The following ARL15 variants were observed in gnomAD, a reference collection of about 807,000 sequenced individuals.
The protein encoded by ARL15 is ARF like GTPase 15.
ARL15 carries 19 observed loss-of-function variants against 25.2 expected under a neutral mutation model. That is an observed-to-expected ratio of 0.75 (90% CI 0.53 to 1.10). The LOEUF is 1.10. ARL15 is among the 50% of genes least tolerant of loss of function. The pLI, the probability that ARL15 is intolerant of heterozygous loss-of-function variation, is 0.00. For missense variants in ARL15, 220 were observed against 246.0 expected (o/e 0.89, Z 0.71); for synonymous variants, 94 against 86.8 (o/e 1.08, Z -0.46).
At chr5:54,201,500 A>G (rs1365782658) in intron 1 of ARL15, among the ~76,000 whole-genome samples, 2 of 152,026 alleles carry the variant, frequency 1.3e-5, no homozygotes, top group Admixed American at 1.3e-4. Context: ...ATCTAATTTG[A>G]TCATCCTTCT....
chr5:53,993,344 T>C (rs1706827857), intron 4 of ARL15, among the ~76,000 whole-genome samples: 3 of 152,006 alleles, frequency 2.0e-5, no homozygotes, highest in African/African-American at 7.3e-5. Flanking sequence ...GCATGGTAGC[T>C]CGTGCCTGTA....
chr5:53,914,526 C>G (rs555040227), intron 4 of ARL15, among the ~76,000 whole-genome samples: 14 of 152,270 alleles, frequency 9.2e-5, no homozygotes, highest in Non-Finnish European at 1.8e-4. Flanking sequence ...TCCCTCAACC[C>G]AAGTAATACA....
chr5:54,004,740 T>C (rs979262029), intron 4 of ARL15, among the ~76,000 whole-genome samples: 1 of 152,060 alleles, frequency 6.6e-6, no homozygotes, highest in African/African-American at 2.4e-5. Flanking sequence ...GTTACAAATT[T>C]GTAGGGGTAC....
rs146213639 is a variant in ARL15, at chr5:54,011,965, C to T, written c.462+101237G>A. On this transcript the variant is annotated intron_variant, in intron 4 of 4. Transcript: ENST00000504924. ...CCAAGGTTGCAGTGAGCTGAGATCGCGCCACTGCACCCTAGCCTGGCAACA... is the reference window on the plus strand; with the variant it reads ...CCAAGGTTGCAGTGAGCTGAGATCGTGCCACTGCACCCTAGCCTGGCAACA... Among the ~76,000 whole-genome samples, 631 of 151,924 alleles carry T rather than the reference C, an allele frequency of 4.2e-3. 11 individuals are homozygous for T. Among genetic ancestry groups the T allele is most frequent in the East Asian group, 0.035 (178 of 5,146 alleles).
intron 2 of ARL15, among the ~76,000 whole-genome samples, chr5:54,169,971 C>G (rs1249992542): frequency 6.6e-6 from 1 of 152,176 alleles, no homozygotes; most frequent in Non-Finnish European, 1.5e-5. Context: ...AGTTTCTTAT[C>G]TCAATTCTAA....
intron 4 of ARL15, among the ~76,000 whole-genome samples, chr5:53,901,877 GCTCTGAGGA>G (rs1745078326): frequency 6.6e-6 from 1 of 152,124 alleles, no homozygotes; most frequent in Non-Finnish European, 1.5e-5. Flanking sequence ...GGCTAGATGT[GCTCTGAGGA>G]CATTCCAGTG....
chr5:54,080,788 G>A (rs1751772943), intron 4 of ARL15, among the ~76,000 whole-genome samples: 1 of 152,184 alleles, frequency 6.6e-6, no homozygotes, highest in African/African-American at 2.4e-5. Flanking sequence ...CAACAGAGGA[G>A]TGAGGACAAT....
intron 4 of ARL15, among the ~76,000 whole-genome samples, chr5:53,939,561 CCT>C (rs1361546348): frequency 9.9e-5 from 15 of 152,046 alleles, no homozygotes; most frequent in Middle Eastern, 3.4e-3. Context: ...ATGATGAAAC[CCT>C]GTCTCTACTA....
At chr5:54,003,673 T>C (rs1036190124) in intron 4 of ARL15, among the ~76,000 whole-genome samples, 8 of 87,892 alleles carry the variant, frequency 9.1e-5, no homozygotes, top group African/African-American at 1.2e-4. Context: ...TCTATCTATC[T>C]ATCTATCTAT....
At chr5:54,051,765 A>G (rs1183029224) in intron 4 of ARL15, among the ~76,000 whole-genome samples, 4 of 152,202 alleles carry the variant, frequency 2.6e-5, no homozygotes, top group Non-Finnish European at 5.9e-5. Flanking sequence ...TCTTACAAAT[A>G]CGACCCAACA....
intron 4 of ARL15, among the ~76,000 whole-genome samples, chr5:53,989,145 C>A (rs1160281749): frequency 1.3e-5 from 2 of 152,106 alleles, no homozygotes; most frequent in African/African-American, 4.8e-5. Context: ...ACCCACCAGG[C>A]AAAGTACTTA....
intron 3 of ARL15, among the ~76,000 whole-genome samples, chr5:54,139,149 A>C (rs1317429135): frequency 6.6e-6 from 1 of 152,238 alleles, no homozygotes; most frequent in Non-Finnish European, 1.5e-5. Flanking sequence ...TCGATCCAGC[A>C]GTCCCACTAC....
At chr5:54,179,951 G>A (rs1755006109) in intron 1 of ARL15, among the ~76,000 whole-genome samples, 1 of 150,420 alleles carries the variant, frequency 6.6e-6, no homozygotes, top group African/African-American at 2.4e-5. Context: ...CTGGGGGACT[G>A]AGGTTGCAGT....
intron 4 of ARL15, among the ~76,000 whole-genome samples, chr5:54,078,675 T>C (rs1031330527): frequency 6.7e-6 from 1 of 149,548 alleles, no homozygotes; most frequent in Non-Finnish European, 1.5e-5. Flanking sequence ...CTCGCTAAAG[T>C]AACATTGACT....
At chr5:54,197,843 A>T (rs1203239001) in intron 1 of ARL15, among the ~76,000 whole-genome samples, 1 of 152,190 alleles carries the variant, frequency 6.6e-6, no homozygotes, top group Non-Finnish European at 1.5e-5. Flanking sequence ...GACACAACAA[A>T]AAAAGAGAAT....
intron 2 of ARL15, among the ~76,000 whole-genome samples, chr5:54,171,263 C>T (rs1754710301): frequency 6.6e-6 from 1 of 152,150 alleles, no homozygotes; most frequent in South Asian, 2.1e-4. Context: ...GCATAATCTC[C>T]CCTGATTGAG....
At chr5:54,296,188 G>A (rs12516888) in intron 1 of ARL15, among the ~76,000 whole-genome samples, 96,250 of 152,084 alleles carry the variant, frequency 0.63, 32,380 homozygotes, top group Non-Finnish European at 0.76. Flanking sequence ...TTAGGCAGAG[G>A]CAGGGAGATT....
rs561024654 is a variant in ARL15, at chr5:54,203,494, C to T, written c.49-31566G>A. Among the ~76,000 whole-genome samples the T allele has an allele frequency of 2.7e-3, 412 of 152,162 alleles. 3 individuals are homozygous for T. The highest frequency in any genetic ancestry group is 9.5e-3 in the African/African-American group (394 of 41,524). ...ACACTATTTGATGTCTTTTTATAAG[C>T]ACAAATTAAACAAAAATAATAATCT... On this transcript the variant is annotated intron_variant, in intron 1 of 4. Coordinates refer to ENST00000504924, the MANE Select transcript of ARL15 (RefSeq NM_019087.3).
rs1401503081 is a variant in ARL15 at position 54,304,033 on chromosome 5, G to A, written c.48+6399C>T. 3.9e-5 allele frequency among the ~76,000 whole-genome samples: 6 copies of A among 152,328 alleles called. No homozygotes were observed. In the East Asian group the frequency reaches 7.7e-4, roughly 20 times the overall value. Reference sequence around the variant, plus strand: ...TGCCAGAGTCCTTGGGGACAAGGGCGCATCAGCCTGCCTGCTCATGGCCAC... The same window carrying A: ...TGCCAGAGTCCTTGGGGACAAGGGCACATCAGCCTGCCTGCTCATGGCCAC... On this transcript the variant is annotated intron_variant, in intron 1 of 4. Coordinates refer to ENST00000504924, the MANE Select transcript of ARL15 (RefSeq NM_019087.3).
Sources: allele counts gnomAD v4.1 joint callset (sites outside exome capture counted in the v4.1 genomes callset), GRCh38; gene constraint gnomAD v4.1.1; transcripts MANE v1.5; gene names NCBI Gene and HGNC (gene_info 2026-07-23, HGNC 2026-07-21).